The following TAFA1 variants were observed in gnomAD, a reference collection of about 807,000 sequenced individuals.
TAFA1 encodes TAFA chemokine like family member 1, also known as chemokine-like protein TAFA-1.
A neutral mutation model predicts 18.5 loss-of-function variants in TAFA1; 4 were observed. The ratio of observed to expected loss-of-function variants is 0.22; its 90% CI spans 0.11 to 0.49. The LOEUF is 0.49. Ranked by LOEUF, TAFA1 falls within the 20% of genes least tolerant of loss-of-function variation. TAFA1 has a pLI of 0.98. For missense variants in TAFA1, 147 were observed against 169.0 expected (o/e 0.87, Z 0.72); for synonymous variants, 56 against 55.2 (o/e 1.01, Z -0.06).
chr3:68,476,104 C>T (rs1281416565), intron 3 of TAFA1, among the ~76,000 whole-genome samples: 13 of 152,094 alleles, frequency 8.5e-5, no homozygotes, highest in Non-Finnish European at 1.8e-4. Context: ...AGGACATAGA[C>T]ATGGGCAAGG....
chr3:68,401,144 G>A (rs1384098743), intron 2 of TAFA1, among the ~76,000 whole-genome samples: 3 of 152,130 alleles, frequency 2.0e-5, no homozygotes, highest in Non-Finnish European at 4.4e-5. Flanking sequence ...TAAAATTGCA[G>A]TTGTGAATGT....
chr3:68,232,378 C>A (rs1325869899), intron 2 of TAFA1, among the ~76,000 whole-genome samples: 1 of 152,182 alleles, frequency 6.6e-6, no homozygotes, highest in Non-Finnish European at 1.5e-5. Flanking sequence ...CATATTGCCC[C>A]ATGTGACAGG....
intron 3 of TAFA1, among the ~76,000 whole-genome samples, chr3:68,442,129 C>T (rs1235870653): frequency 6.6e-6 from 1 of 152,088 alleles, no homozygotes; most frequent in African/African-American, 2.4e-5. Flanking sequence ...CCACCCCACT[C>T]CTTATATCAA....
intron 2 of TAFA1, among the ~76,000 whole-genome samples, chr3:68,223,779 G>T (rs2066760990): frequency 6.6e-6 from 1 of 152,044 alleles, no homozygotes; most frequent in Non-Finnish European, 1.5e-5. Context: ...CAGGACAAAA[G>T]TAATTTATGG....
At chr3:68,294,895 T>A (rs2068180762) in intron 2 of TAFA1, among the ~76,000 whole-genome samples, 1 of 151,868 alleles carries the variant, frequency 6.6e-6, no homozygotes, top group Non-Finnish European at 1.5e-5. Context: ...AAAGAAAAAA[T>A]TTACTTCTTG....
chr3:68,210,693 T>G (rs1356549538), intron 2 of TAFA1, among the ~76,000 whole-genome samples: 1 of 152,074 alleles, frequency 6.6e-6, no homozygotes, highest in Non-Finnish European at 1.5e-5. Flanking sequence ...CTACTACTGA[T>G]GCAGCTCCTG....
chr3:68,475,701 T>C (rs901432678), intron 3 of TAFA1, among the ~76,000 whole-genome samples: 3 of 152,114 alleles, frequency 2.0e-5, no homozygotes, highest in Non-Finnish European at 4.4e-5. Context: ...GGTCAAATGG[T>C]ATTTCTAGTT....
At chr3:68,148,078 T>C (rs2065764159) in intron 2 of TAFA1, among the ~76,000 whole-genome samples, 1 of 152,212 alleles carries the variant, frequency 6.6e-6, no homozygotes, top group African/African-American at 2.4e-5. Context: ...CAGTGCTAAT[T>C]GGTTCTGTGT....
Position 68,544,432 on chromosome 3 carries a change from G to T in TAFA1, c.385-54G>T, listed in dbSNP as rs1365292344. On this transcript the variant is annotated intron_variant, in intron 4 of 4. Transcript: ENST00000478136. ...CTTTTCTACATAATCACATTTCTTT[G>T]TGCCTTCAGTTTGCACTGTTCTCCC... 20 of 1,577,302 alleles carry T rather than the reference G, an allele frequency of 1.3e-5. No individual in the cohort carries two copies. The East Asian group carries it at 3.8e-4, about 30-fold the overall frequency.
chr3:68,026,654 A>G (rs1704823585), intron 2 of TAFA1, among the ~76,000 whole-genome samples: 1 of 152,024 alleles, frequency 6.6e-6, no homozygotes, highest in Non-Finnish European at 1.5e-5. Context: ...CTCAAAGTAA[A>G]TTTCCCAATG....
intron 2 of TAFA1, among the ~76,000 whole-genome samples, chr3:68,104,051 C>A (rs2065178806): frequency 6.6e-6 from 1 of 152,136 alleles, no homozygotes; most frequent in African/African-American, 2.4e-5. Flanking sequence ...CAGTGCATCA[C>A]AGGAATTTAA....
intron 2 of TAFA1, among the ~76,000 whole-genome samples, chr3:68,401,004 C>T (rs1056652268): frequency 1.3e-5 from 2 of 152,184 alleles, no homozygotes; most frequent in Non-Finnish European, 2.9e-5. Context: ...GTGTTGGCAA[C>T]AGCAATTTCC....
chr3:68,279,583 G>A (rs766263247), intron 2 of TAFA1, among the ~76,000 whole-genome samples: 6 of 151,958 alleles, frequency 3.9e-5, no homozygotes, highest in African/African-American at 1.4e-4. Context: ...GGGAAGTCAG[G>A]GCAGAAAACC....
intron 4 of TAFA1, 123 bp downstream of exon 4, chr3:68,539,003 A>G (rs1211710110): frequency 2.0e-6 from 2 of 984,052 alleles, no homozygotes; most frequent in Non-Finnish European, 1.5e-6. Flanking sequence ...GACAGAAAGC[A>G]TTCTGAACTA....
At chr3:68,412,299 C>A (rs2070733611) in intron 2 of TAFA1, among the ~76,000 whole-genome samples, 1 of 151,560 alleles carries the variant, frequency 6.6e-6, no homozygotes, top group Non-Finnish European at 1.5e-5. Context: ...GGTCTCAATG[C>A]TGTTGGCTCC....
At chr3:68,135,414 T>G (rs1038657535) in intron 2 of TAFA1, among the ~76,000 whole-genome samples, 1 of 152,198 alleles carries the variant, frequency 6.6e-6, no homozygotes, top group African/African-American at 2.4e-5. Context: ...AGATCCTGCA[T>G]GTGAATTTGG....
At chr3:68,065,738 GTGTA>G (rs1216542130) in intron 2 of TAFA1, among the ~76,000 whole-genome samples, 11 of 131,950 alleles carry the variant, frequency 8.3e-5, no homozygotes, top group African/African-American at 2.7e-4. Flanking sequence ...ATGTGTGTGT[GTGTA>G]TATATATATA....
chr3:68,330,740 T>C (rs2068853200), intron 2 of TAFA1, among the ~76,000 whole-genome samples: 1 of 152,210 alleles, frequency 6.6e-6, no homozygotes, highest in African/African-American at 2.4e-5. Context: ...TGTGTTTTAT[T>C]CATTTATTTG....
intron 2 of TAFA1, among the ~76,000 whole-genome samples, chr3:68,315,883 G>C (rs1373235374): frequency 6.6e-6 from 1 of 152,174 alleles, no homozygotes; most frequent in Non-Finnish European, 1.5e-5. Context: ...GTTGACAAAT[G>C]GGTTTAACAA....
Sources: gnomAD v4.1 joint callset for allele counts (sites outside exome capture counted in the v4.1 genomes callset) on GRCh38, gnomAD v4.1.1 for gene constraint, MANE v1.5 for transcripts, NCBI Gene and HGNC (gene_info 2026-07-23, HGNC 2026-07-21) for gene names.